Variants in KIFC1 observed in about 807,000 individuals in gnomAD.
The protein encoded by KIFC1 is kinesin family member C1, also known as kinesin-like protein KIFC1.
A neutral mutation model predicts 66.6 loss-of-function variants in KIFC1; 37 were observed. The observed-to-expected ratio is 0.56, with a 90% confidence interval of 0.43 to 0.73. KIFC1 has a LOEUF of 0.73. Among genes scored for constraint, KIFC1 ranks in the 30% least tolerant of loss-of-function variants. KIFC1 has a pLI of 0.00. For synonymous variants in KIFC1, 325 were observed against 343.5 expected (o/e 0.95, Z 0.60); for missense variants, 721 against 859.8 (o/e 0.84, Z 2.02).
Position 33,405,715 on chromosome 6 carries a change from A to G in KIFC1, c.1536+84A>G. 7.6e-7 allele frequency: 1 copy of G among 1,322,194 alleles called. No homozygotes were observed. The highest frequency in any genetic ancestry group is 1.0e-6 in the Non-Finnish European group (1 of 1,003,842). The allele number at this position is 1,322,194 out of a possible 1,614,324, so 81.9% of individuals were successfully genotyped here. A position where few individuals can be genotyped will look rare whatever the true frequency, so the allele number is the denominator to read the frequency against. ...GATGGAGGTAGAGGGAGAAAGGAGC[A>G]AGAGAGAATTGAAGGATGAAGTGCA... On this transcript the variant is annotated intron_variant, in intron 7 of 10. Coordinates refer to ENST00000428849, the MANE Select transcript of KIFC1 (RefSeq NM_002263.4). The surrounding 1 kb of genome is among the most constrained non-coding windows in gnomAD (Gnocchi z 5.4).
At chr6:33,396,859 T>G (rs1339329011) in intron 1 of KIFC1, among the ~76,000 whole-genome samples, 1 of 151,936 alleles carries the variant, frequency 6.6e-6, no homozygotes. Flanking sequence ...TTTTTTGTAT[T>G]TTTTAGTAGA....
At chr6:33,395,772 G>A (rs1172879715) in intron 1 of KIFC1, among the ~76,000 whole-genome samples, 3 of 152,128 alleles carry the variant, frequency 2.0e-5, no homozygotes, top group Non-Finnish European at 4.4e-5. Context: ...ATTAGTGTTT[G>A]ACTTTGGAAT....
At chr6:33,408,609 CAA>C (rs1775759000) in intron 10 of KIFC1, among the ~76,000 whole-genome samples, 1 of 152,214 alleles carries the variant, frequency 6.6e-6, no homozygotes, top group African/African-American at 2.4e-5. Flanking sequence ...ACAGGAAAAA[CAA>C]GATAAATGCT....
Position 33,405,656 on chromosome 6 carries a change from T to C in KIFC1, c.1536+25T>C. The stretch of plus-strand genomic sequence containing the variant: ...AGTGAGGACCCATGGGCACTGGAAC[T>C]GGGAAATGGGGAGGAGTGGGCAGGG... On this transcript the variant is annotated intron_variant, in intron 7 of 10. Coordinates refer to ENST00000428849, the MANE Select transcript of KIFC1 (RefSeq NM_002263.4). The surrounding 1 kb of genome is among the most constrained non-coding windows in gnomAD (Gnocchi z 5.4). 1 of 1,477,184 alleles carries C rather than the reference T, an allele frequency of 6.8e-7. No individual in the cohort carries two copies. The highest frequency in any genetic ancestry group is 8.9e-7 in the Non-Finnish European group (1 of 1,117,562). The allele number at this position is 1,477,184 out of a possible 1,614,324, so 91.5% of individuals were successfully genotyped here.
chr6:33,394,746 T>C (rs1333223299), intron 1 of KIFC1, among the ~76,000 whole-genome samples: 1 of 152,172 alleles, frequency 6.6e-6, no homozygotes, highest in African/African-American at 2.4e-5. Flanking sequence ...CCTCCCAAAG[T>C]GCTGGGATTA....
chr6:33,405,584 C>T lies in KIFC1; in HGVS notation c.1489C>T (p.Leu497Phe). The change falls in exon 7 of 11, where the codon CTC (leucine) becomes TTC (phenylalanine). Residue 497 changes from leucine to phenylalanine, a missense_variant. By Grantham distance (22) the Leu-to-Phe change is conservative. Transcript: ENST00000428849. This position sits in a 1 kb window ranked among gnomAD's most constrained non-coding sequence, Gnocchi z 5.4. Reference protein sequence around the residue: ...IRRAGPGSEELTVTNARYVPV... With the variant: ...IRRAGPGSEEFTVTNARYVPV... ...CCGTGCAGGGCCAGGGAGTGAGGAG[C>T]TCACTGTCACCAATGCTCGATATGT... 3 of 1,557,504 alleles carry T rather than the reference C, an allele frequency of 1.9e-6. No homozygotes were observed. The highest frequency in any genetic ancestry group is 2.6e-6 in the Non-Finnish European group (3 of 1,155,132).
In KIFC1 at chr6:33,400,059, T is replaced by C. The variant is rs1228122488; in HGVS notation, c.250+1672T>C. On this transcript the variant is annotated intron_variant, in intron 3 of 10. Coordinates refer to ENST00000428849, the MANE Select transcript of KIFC1 (RefSeq NM_002263.4). This position sits in a 1 kb window ranked among gnomAD's most constrained non-coding sequence, Gnocchi z 4.3. Reference sequence around the variant, plus strand: ...TTTATTGAAATATTTTCCTTTGTGCTTAACTAGCTGGGCATTCCACAGCAC... The same window carrying C: ...TTTATTGAAATATTTTCCTTTGTGCCTAACTAGCTGGGCATTCCACAGCAC... 1.4e-6 allele frequency: 1 copy of C among 715,586 alleles called. No individual in the cohort carries two copies. The highest frequency in any genetic ancestry group is 2.1e-5 in the Admixed American group (1 of 48,582). The allele number at this position is 715,586 out of a possible 1,614,324, so 44.3% of individuals were successfully genotyped here. A position where few individuals can be genotyped will look rare whatever the true frequency, so the allele number is the denominator to read the frequency against.
rs1319084318 is a variant in KIFC1 at position 33,400,422 on chromosome 6, G to C, written c.250+2035G>C. The C allele has an allele frequency of 1.2e-6, 2 of 1,602,820 alleles. No individual in the cohort carries two copies. ...TCCAGTCACCCGTTGCCTTGGCAAT[G>C]TCATCACCAACCTTTTTTGGAGACA... On this transcript the variant is annotated intron_variant, in intron 3 of 10. Transcript: ENST00000428849. The surrounding 1 kb of genome is among the most constrained non-coding windows in gnomAD (Gnocchi z 4.3).
chr6:33,406,146 T>C lies in KIFC1; in HGVS notation c.1537-50T>C, dbSNP rs1775639279. The C allele has an allele frequency of 6.6e-7, 1 of 1,524,312 alleles. No individual in the cohort carries two copies. The highest frequency in any genetic ancestry group is 1.9e-5 in the Admixed American group (1 of 52,314). 94.4% of individuals were successfully genotyped at this position (1,524,312 alleles called of 1,614,324 possible). On this transcript the variant is annotated intron_variant, in intron 7 of 10. Coordinates refer to ENST00000428849, the MANE Select transcript of KIFC1 (RefSeq NM_002263.4). The surrounding 1 kb of genome is among the most constrained non-coding windows in gnomAD (Gnocchi z 4.5). ...TCTTATTCATTTCCATACATATTAC[T>C]ATGTACTGACTTCTGCCTGCCTTTT... is the stretch of plus-strand genomic sequence containing the variant.
At chr6:33,407,216 C>A in intron 10 of KIFC1, 1 of 469,108 alleles carries the variant, frequency 2.1e-6, no homozygotes, top group Middle Eastern at 6.9e-4. Flanking sequence ...TAAAATCAGT[C>A]TGGGCAACAT....
Position 33,403,268 on chromosome 6 carries a change from T to G in KIFC1, c.251-46T>G. On this transcript the variant is annotated intron_variant, in intron 3 of 10. Coordinates refer to ENST00000428849, the MANE Select transcript of KIFC1 (RefSeq NM_002263.4). This position sits in a 1 kb window ranked among gnomAD's most constrained non-coding sequence, Gnocchi z 4.6. ...TGTCCTAGCAAGTGTACATGCCATC[T>G]TAAGAATGATCATTCTACCTTTGCT... 1 of 1,556,940 alleles carries G rather than the reference T, an allele frequency of 6.4e-7. No individual in the cohort carries two copies. The highest frequency in any genetic ancestry group is 8.9e-7 in the Non-Finnish European group (1 of 1,129,562).
intron 10 of KIFC1, 136 bp downstream of exon 10, chr6:33,407,011 C>A (rs1042780043): frequency 2.1e-6 from 3 of 1,443,322 alleles, no homozygotes; most frequent in Non-Finnish European, 1.8e-6. Flanking sequence ...CACTGCTCAC[C>A]TGGTTCCATT....
Position 33,400,527 on chromosome 6 carries a change from G to T in KIFC1, c.250+2140G>T. On this transcript the variant is annotated intron_variant, in intron 3 of 10. Transcript: ENST00000428849. The surrounding 1 kb of genome is among the most constrained non-coding windows in gnomAD (Gnocchi z 4.3). ...TGGTGCACCTCAGGTATACGACCTT[G>T]ATCTCGTTGGGGTCGAACTTCGGTG... The T allele has an allele frequency of 1.3e-6, 2 of 1,558,374 alleles. No individual in the cohort carries two copies. Among genetic ancestry groups the T allele is most frequent in the Non-Finnish European group, 1.8e-6 (2 of 1,135,798 alleles).
At chr6:33,397,083 G>A (rs879669023) in intron 1 of KIFC1, among the ~76,000 whole-genome samples, 5 of 137,422 alleles carry the variant, frequency 3.6e-5, no homozygotes, top group East Asian at 2.2e-4. Context: ...TCCACCAATC[G>A]TTCAAGCGAT....
At position 33,406,077 on chromosome 6, in the gene KIFC1, T is replaced by A; in HGVS notation, c.1537-119T>A. ...TTCAGACATACTGTGCATCTTATTT[T>A]GTTTCTTGACAGGCTAGAAAGCTTC... On this transcript the variant is annotated intron_variant, in intron 7 of 10. Coordinates refer to ENST00000428849, the MANE Select transcript of KIFC1 (RefSeq NM_002263.4). This position sits in a 1 kb window ranked among gnomAD's most constrained non-coding sequence, Gnocchi z 4.5. The A allele has an allele frequency of 1.1e-6, 1 of 917,812 alleles. No homozygotes were observed. The highest frequency in any genetic ancestry group is 1.7e-6 in the Non-Finnish European group (1 of 605,268). 56.9% of individuals were successfully genotyped at this position (917,812 alleles called of 1,614,324 possible).
intron 10 of KIFC1, among the ~76,000 whole-genome samples, chr6:33,407,722 C>T (rs1775726809): frequency 1.3e-5 from 2 of 152,222 alleles, no homozygotes; most frequent in Non-Finnish European, 2.9e-5. Flanking sequence ...GACTCCAAAC[C>T]TCATGAGGGT....
Position 33,401,369 on chromosome 6 carries a change from C to T in KIFC1, c.251-1945C>T, listed in dbSNP as rs561928178. 2.0e-5 allele frequency among the ~76,000 whole-genome samples: 3 copies of T among 151,938 alleles called. No individual in the cohort carries two copies. Among genetic ancestry groups the T allele is most frequent in the South Asian group, 2.1e-4 (1 of 4,816 alleles). On this transcript the variant is annotated intron_variant, in intron 3 of 10. Coordinates refer to ENST00000428849, the MANE Select transcript of KIFC1 (RefSeq NM_002263.4). This position sits in a 1 kb window ranked among gnomAD's most constrained non-coding sequence, Gnocchi z 4.5. The stretch of plus-strand genomic sequence containing the variant: ...CAGGATGGTCTCGATCTCCTGACCT[C>T]GTGATCCGCCCGCCTCAGCCTCCCA...
intron 1 of KIFC1, among the ~76,000 whole-genome samples, chr6:33,392,904 TG>T (rs1398783695): frequency 2.6e-5 from 4 of 152,126 alleles, no homozygotes; most frequent in Non-Finnish European, 5.9e-5. Flanking sequence ...GATGCAGCAG[TG>T]AACAAGGGAC....
intron 10 of KIFC1, 133 bp from the exon 11 acceptor site, chr6:33,409,513 C>A: frequency 2.2e-6 from 2 of 893,032 alleles, no homozygotes; most frequent in Non-Finnish European, 3.8e-6. Context: ...TGGCACCAGC[C>A]TGAACCAGCC....
Sources: allele counts gnomAD v4.1 joint callset (sites outside exome capture counted in the v4.1 genomes callset), GRCh38; gene constraint gnomAD v4.1.1; non-coding constraint Gnocchi (gnomAD v3.1); transcripts MANE v1.5; gene names NCBI Gene and HGNC (gene_info 2026-07-23, HGNC 2026-07-21).